Variants in PRKAA2 observed in about 807,000 individuals in gnomAD.
PRKAA2 encodes protein kinase AMP-activated catalytic subunit alpha 2.
Under a neutral mutation model 56.3 loss-of-function variants are expected in PRKAA2, and 40 were observed. That is an observed-to-expected ratio of 0.71 (90% CI 0.55 to 0.92). The LOEUF (loss-of-function observed/expected upper bound fraction) is 0.92. PRKAA2 is among the 40% of genes least tolerant of loss of function. The pLI is 0.00. For missense variants in PRKAA2, 542 were observed against 686.9 expected, an observed-to-expected ratio of 0.79 and a Z score of 2.36; for synonymous variants, 214 against 234.2, an observed-to-expected ratio of 0.91 and a Z score of 0.79.
intron 2 of PRKAA2, among the ~76,000 whole-genome samples, chr1:56,677,658 CTTT>C (rs10597018): frequency 0.45 from 65,062 of 144,522 alleles, 14,864 homozygotes; most frequent in East Asian, 0.64. Context: ...GCTTCTTTTC[CTTT>C]TTTTTTTTTT....
At chr1:56,692,639 CTT>C (rs367594808) in intron 4 of PRKAA2, 137 bp downstream of exon 4, 1 of 672,786 alleles carries the variant, frequency 1.5e-6, no homozygotes, top group Non-Finnish European at 2.2e-6. Context: ...TCCTCAGTAG[CTT>C]TTTTTTTTCA....
Position 56,704,485 on chromosome 1 carries a change from T to G in PRKAA2, c.1293+10T>G. The G allele has an allele frequency of 6.4e-7, 1 of 1,574,266 alleles. No individual in the cohort carries two copies. The highest frequency in any genetic ancestry group is 1.4e-5 in the African/African-American group (1 of 73,916). On this transcript the variant is annotated intron_variant, in intron 7 of 8. Coordinates refer to ENST00000371244, the MANE Select transcript of PRKAA2 (RefSeq NM_006252.4). Reference sequence around the variant, plus strand: ...GGATTTTGAATGGAAGGTAGGAAATTATAATGTAATAAGATCATTTGTAGA... The same window carrying G: ...GGATTTTGAATGGAAGGTAGGAAATGATAATGTAATAAGATCATTTGTAGA...
At chr1:56,691,043 G>A (rs1445295338) in intron 2 of PRKAA2, among the ~76,000 whole-genome samples, 1 of 152,056 alleles carries the variant, frequency 6.6e-6, no homozygotes, top group African/African-American at 2.4e-5. Context: ...CATAGTGTCT[G>A]GCCCAAGTAT....
chr1:56,657,317 A>G (rs1643952345), intron 1 of PRKAA2, among the ~76,000 whole-genome samples: 1 of 152,146 alleles, frequency 6.6e-6, no homozygotes, highest in African/African-American at 2.4e-5. Flanking sequence ...ATTTTTTTTT[A>G]CCTTCGAAGA....
At chr1:56,705,954 A>T in intron 7 of PRKAA2, 138 bp from the exon 8 acceptor site, 1 of 695,106 alleles carries the variant, frequency 1.4e-6, no homozygotes, top group Non-Finnish European at 2.3e-6. Flanking sequence ...ATAAATACTA[A>T]AGTGAACTAC....
At chr1:56,677,278 T>C (rs1305815555) in intron 2 of PRKAA2, among the ~76,000 whole-genome samples, 1 of 152,216 alleles carries the variant, frequency 6.6e-6, no homozygotes, top group Non-Finnish European at 1.5e-5. Context: ...TTCACTTAAC[T>C]GAAACAGTTA....
chr1:56,701,757 G>A (rs1446537176), intron 6 of PRKAA2, among the ~76,000 whole-genome samples: 1 of 152,056 alleles, frequency 6.6e-6, no homozygotes, highest in Non-Finnish European at 1.5e-5. Context: ...AGCTGGGCAT[G>A]GTGGCAGGTG....
chr1:56,685,152 C>T (rs1325928356), intron 2 of PRKAA2, among the ~76,000 whole-genome samples: 4 of 152,060 alleles, frequency 2.6e-5, no homozygotes, highest in Admixed American at 6.6e-5. Context: ...AGACTGGATG[C>T]GGTTACCAAA....
intron 5 of PRKAA2, among the ~76,000 whole-genome samples, chr1:56,695,652 C>T (rs1275517409): frequency 6.6e-6 from 1 of 152,014 alleles, no homozygotes; most frequent in Non-Finnish European, 1.5e-5. Context: ...CCTCAAAAAT[C>T]AACCACAGAA....
intron 2 of PRKAA2, among the ~76,000 whole-genome samples, chr1:56,681,954 C>T (rs902830748): frequency 6.6e-6 from 1 of 152,132 alleles, no homozygotes; most frequent in African/African-American, 2.4e-5. Flanking sequence ...GCAGTATGGC[C>T]ATTTTCACGA....
chr1:56,648,231 C>G (rs1012942793), intron 1 of PRKAA2, among the ~76,000 whole-genome samples: 2 of 152,094 alleles, frequency 1.3e-5, no homozygotes, highest in African/African-American at 4.8e-5. Context: ...TCATTTCTAC[C>G]CTCAGTCCCA....
chr1:56,668,377 C>T lies in PRKAA2; in HGVS notation c.95-6004C>T, dbSNP rs143774935. 2.5e-3 allele frequency among the ~76,000 whole-genome samples: 365 copies of T among 148,092 alleles called. 3 individuals are homozygous for T. Among genetic ancestry groups the T allele is most frequent in the East Asian group, 0.014 (68 of 5,018 alleles). ...CATGTATACATATGTAACAAACCTG[C>T]ACATTGTGCACATGTACCCCAAAAC... On this transcript the variant is annotated intron_variant, in intron 1 of 8. Transcript: ENST00000371244.
chr1:56,688,973 T>C (rs1236670627), intron 2 of PRKAA2, among the ~76,000 whole-genome samples: 4 of 152,234 alleles, frequency 2.6e-5, no homozygotes, highest in Non-Finnish European at 5.9e-5. Context: ...TTTTCATTGC[T>C]CTAGACTGGC....
Position 56,691,487 on chromosome 1 carries a change from G to A in PRKAA2, c.330G>A (p.Arg110=). 1 of 1,595,692 alleles carries A rather than the reference G, an allele frequency of 6.3e-7. No homozygotes were observed. Among genetic ancestry groups the A allele is most frequent in the Non-Finnish European group, 8.6e-7 (1 of 1,164,498 alleles). The stretch of plus-strand genomic sequence containing the variant: ...TTGACTACATCTGTAAGCATGGACG[G>A]GTGAGTAACATACTATCTGGTACAC... ...ELFDYICKHG[R]VEEMEARRLF... is the part of the protein sequence containing the mutation. Residue 110 remains arginine (R), a splice_region_variant and synonymous_variant, in exon 3 of 9, where the codon CGG becomes CGA. Coordinates refer to ENST00000371244, the MANE Select transcript of PRKAA2 (RefSeq NM_006252.4).
intron 2 of PRKAA2, among the ~76,000 whole-genome samples, chr1:56,689,903 C>CAG (rs1180029013): frequency 2.2e-4 from 8 of 37,202 alleles, no homozygotes; most frequent in African/African-American, 7.7e-4. Flanking sequence ...CACAGACACA[C>CAG]ACACACACAC....
chr1:56,702,241 GC>G (rs1644301256), intron 6 of PRKAA2, among the ~76,000 whole-genome samples: 1 of 151,996 alleles, frequency 6.6e-6, no homozygotes, highest in African/African-American at 2.4e-5. Flanking sequence ...GTGCCACCAC[GC>G]CCGGCTAATT....
intron 6 of PRKAA2, among the ~76,000 whole-genome samples, chr1:56,701,705 C>T (rs776948904): frequency 2.6e-5 from 4 of 151,842 alleles, no homozygotes; most frequent in Admixed American, 6.6e-5. Flanking sequence ...CTGGCTAACA[C>T]GGTGAAACCC....
intron 5 of PRKAA2, 82 bp downstream of exon 5, chr1:56,693,934 G>A (rs1038694092): frequency 5.3e-6 from 5 of 940,260 alleles, no homozygotes; most frequent in African/African-American, 5.0e-5. Context: ...CTCTATGGAA[G>A]GTAAGATTTT....
Position 56,674,517 on chromosome 1 carries a change from CA to C in PRKAA2, c.234del (p.Lys78AsnfsTer5). The C allele has an allele frequency of 6.6e-7, 1 of 1,514,430 alleles. No homozygotes were observed. The highest frequency in any genetic ancestry group is 1.8e-4 in the Middle Eastern group (1 of 5,408). 93.8% of individuals were successfully genotyped at this position (1,514,430 alleles called of 1,614,324 possible). ...AACTCTTTCGTCATCCTCATATTAT[CA>C]AACTGTAAGTATTTTTGTATCTAAT... Reference protein sequence around the residue: ...LKLFRHPHIIKLYQVISTPTD... With the variant: ...LKLFRHPHIIXLYQVISTPTD... On this transcript the variant is annotated frameshift_variant, in exon 2 of 9. Transcript: ENST00000371244. LOFTEE classifies it high-confidence loss of function.
Sources: allele counts gnomAD v4.1 joint callset (sites outside exome capture counted in the v4.1 genomes callset), GRCh38; gene constraint gnomAD v4.1.1; transcripts MANE v1.5; gene names NCBI Gene and HGNC (gene_info 2026-07-23, HGNC 2026-07-21).